Variants in RAD54L2 observed in about 807,000 individuals in gnomAD.
RAD54L2 encodes helicase ARIP4.
RAD54L2 carries 27 observed loss-of-function variants against 138.4 expected under a neutral mutation model. That is an observed-to-expected ratio of 0.20 (90% CI 0.14 to 0.27). The LOEUF (loss-of-function observed/expected upper bound fraction) is 0.27, where lower values mean the gene tolerates loss of function less well. Among genes scored for constraint, RAD54L2 ranks in the 10% least tolerant of loss-of-function variants. The probability of loss-of-function intolerance (pLI) is 1.00; values close to 1 mark genes in which losing one functional copy is unlikely to be tolerated. For missense variants in RAD54L2, 1,396 were observed against 1,890.2 expected (o/e 0.74, Z 4.85); for synonymous variants, 644 against 723.2 (o/e 0.89, Z 1.76).
rs1701905621 is a variant in RAD54L2, at chr3:51,666,173, G to GGTTT, written c.*2753_*2754insGTTT. 4.9e-5 allele frequency: 1 copy of GGTTT among 20,226 alleles called. No individual in the cohort carries two copies. The highest frequency in any genetic ancestry group is 2.9e-4 in the African/African-American group (1 of 3,446). 1.3% of individuals were successfully genotyped at this position (20,226 alleles called of 1,614,324 possible). ...GAGTGCTACCAGGTCCATGGTTTTT[G>GGTTT]CTTTTTTTTTTTTTTTTTTTTTTTT... On this transcript the variant is annotated 3_prime_UTR_variant, in exon 23 of 23. Transcript: ENST00000684192.
Position 51,663,452 on chromosome 3 carries a change from C to A in RAD54L2, c.*32C>A. ...AGCCCCTCCCCACCTCACTTGGGGC[C>A]CCCAGCAGGTTGCCCACCAAGCTGA... is the stretch of plus-strand genomic sequence containing the variant. On this transcript the variant is annotated 3_prime_UTR_variant, in exon 23 of 23. Coordinates refer to ENST00000684192, the MANE Select transcript of RAD54L2 (RefSeq NM_015106.4). 1.3e-6 allele frequency: 2 copies of A among 1,590,368 alleles called. No homozygotes were observed. Among genetic ancestry groups the A allele is most frequent in the Non-Finnish European group, 1.7e-6 (2 of 1,166,022 alleles).
chr3:51,554,348 C>T (rs1276761536), intron 2 of RAD54L2, among the ~76,000 whole-genome samples: 1 of 145,214 alleles, frequency 6.9e-6, no homozygotes, highest in Non-Finnish European at 1.5e-5. Context: ...GCCTGGGCGA[C>T]AAAGCGAGAC....
rs1701072989 is a variant in RAD54L2 at position 51,639,540 on chromosome 3, G to A, written c.1982G>A (p.Gly661Glu). 2.5e-6 allele frequency: 4 copies of A among 1,613,862 alleles called. No homozygotes were observed. Among genetic ancestry groups the A allele is most frequent in the Non-Finnish European group, 3.4e-6 (4 of 1,179,898 alleles). The change falls in exon 13 of 23, where the codon GGA (glycine) becomes GAA (glutamate). Residue 661 changes from glycine to glutamate, a missense_variant. Physicochemically the swap from Gly to Glu is moderately conservative, Grantham distance 98. Around this residue, in one of 7 missense-constraint regions of RAD54L2, gnomAD observed 211 missense variants for 273.8 expected, o/e 0.77. Transcript: ENST00000684192. ...AGTSARCPPQ[G>E]TKGKGEDSTL... ...ACCAGTGCCCGCTGTCCACCACAGGGAACAAAAGGCAAGGGAGAGGATAGC... is the reference window on the plus strand; with the variant it reads ...ACCAGTGCCCGCTGTCCACCACAGGAAACAAAAGGCAAGGGAGAGGATAGC...
intron 2 of RAD54L2, among the ~76,000 whole-genome samples, chr3:51,558,216 G>A (rs1188167711): frequency 6.6e-6 from 1 of 152,070 alleles, no homozygotes; most frequent in Non-Finnish European, 1.5e-5. Context: ...TTTACTGATT[G>A]ACCGAATCCA....
chr3:51,620,419 T>A, intron 3 of RAD54L2, among the ~76,000 whole-genome samples: 1 of 149,024 alleles, frequency 6.7e-6, no homozygotes, highest in East Asian at 2.0e-4. Flanking sequence ...TTTTTTTTTT[T>A]TTTTTTTTTT....
rs1577445868 is a variant in RAD54L2, at chr3:51,635,609, G to A, written c.1159G>A (p.Ala387Thr). The A allele has an allele frequency of 6.2e-7, 1 of 1,610,802 alleles. No homozygotes were observed. Among genetic ancestry groups the A allele is most frequent in the Non-Finnish European group, 8.5e-7 (1 of 1,178,732 alleles). The change falls in exon 10 of 23, where the codon GCT (alanine) becomes ACT (threonine). Residue 387 changes from alanine to threonine, a missense_variant. Around this residue, in one of 7 missense-constraint regions of RAD54L2, gnomAD observed 169 missense variants for 235.6 expected, o/e 0.72. Coordinates refer to ENST00000684192, the MANE Select transcript of RAD54L2 (RefSeq NM_015106.4). ...ATCTTGCAGGACGATGGCATCTCGTGCTAAAGTGATGGCTGATTGGGTGTC... is the reference window on the plus strand; with the variant it reads ...ATCTTGCAGGACGATGGCATCTCGTACTAAAGTGATGGCTGATTGGGTGTC... ...NDEHKTMASRAKVMADWVSEG... is the reference protein window; with the variant it reads ...NDEHKTMASRTKVMADWVSEG...
At chr3:51,631,790 T>C (rs925692554) in intron 7 of RAD54L2, among the ~76,000 whole-genome samples, 4 of 152,080 alleles carry the variant, frequency 2.6e-5, no homozygotes, top group African/African-American at 9.7e-5. Flanking sequence ...CATGCCACCA[T>C]GCCCAACTAA....
At chr3:51,607,369 A>C (rs1700210674) in intron 3 of RAD54L2, among the ~76,000 whole-genome samples, 2 of 152,056 alleles carry the variant, frequency 1.3e-5, no homozygotes, top group Non-Finnish European at 2.9e-5. Context: ...ACCGCCCTTA[A>C]TCCATTTAAC....
At chr3:51,627,468 T>G in intron 3 of RAD54L2, 85 bp from the exon 4 acceptor site, 210 of 1,291,536 alleles carry the variant, frequency 1.6e-4, no homozygotes, top group Non-Finnish European at 2.1e-4. Context: ...GTTGCTGAGT[T>G]GAGATTTGAA....
chr3:51,608,877 A>G (rs542052221), intron 3 of RAD54L2, among the ~76,000 whole-genome samples: 3 of 152,052 alleles, frequency 2.0e-5, no homozygotes, highest in African/African-American at 7.2e-5. Flanking sequence ...AGGGAGGGGC[A>G]GGGGGAGGGA....
At chr3:51,539,866 G>T (rs1553670966) in intron 1 of RAD54L2, among the ~76,000 whole-genome samples, 3 of 152,160 alleles carry the variant, frequency 2.0e-5, no homozygotes, top group Non-Finnish European at 4.4e-5. Context: ...AACTGGAAGG[G>T]TTATGTGGGG....
chr3:51,547,990 C>G (rs978724360), intron 2 of RAD54L2, among the ~76,000 whole-genome samples: 1 of 151,898 alleles, frequency 6.6e-6, no homozygotes, highest in African/African-American at 2.4e-5. Flanking sequence ...CTCCTGCGTT[C>G]AAGCGATTCT....
At chr3:51,649,472 A>G (rs1179372001) in intron 19 of RAD54L2, among the ~76,000 whole-genome samples, 1 of 152,172 alleles carries the variant, frequency 6.6e-6, no homozygotes, top group Non-Finnish European at 1.5e-5. Context: ...CTTCGAGAAG[A>G]GCAACCCCAA....
chr3:51,590,211 G>A (rs1699810285), intron 2 of RAD54L2, among the ~76,000 whole-genome samples, 156 bp from the exon 3 acceptor site: 1 of 152,088 alleles, frequency 6.6e-6, no homozygotes. Context: ...GGCTGGTCTC[G>A]AACTCCTGAC....
chr3:51,571,248 T>C (rs893518788), intron 2 of RAD54L2, among the ~76,000 whole-genome samples: 5 of 152,204 alleles, frequency 3.3e-5, no homozygotes, highest in Admixed American at 6.5e-5. Flanking sequence ...AGGCTTTTAG[T>C]TCATCCCAGC....
chr3:51,663,225 T>G lies in RAD54L2; in HGVS notation c.4209T>G (p.Pro1403=), dbSNP rs779996823. The change falls in exon 23 of 23, where the codon CCT becomes CCG. Residue 1403 remains proline, a synonymous_variant. Transcript: ENST00000684192. ...EPRMFAPFPS[P]VLPSNLSRGM... is the part of the protein sequence containing the mutation. The stretch of plus-strand genomic sequence containing the variant: ...GGATGTTTGCGCCTTTTCCTTCCCC[T>G]GTCTTGCCCAGCAACCTTTCGCGGG... 6.2e-7 allele frequency: 1 copy of G among 1,613,968 alleles called. No individual in the cohort carries two copies.
intron 2 of RAD54L2, among the ~76,000 whole-genome samples, chr3:51,575,791 A>G (rs1418483202): frequency 1.3e-5 from 2 of 152,186 alleles, no homozygotes; most frequent in Non-Finnish European, 2.9e-5. Context: ...TGTCATCTGC[A>G]AACAGGGACA....
At chr3:51,589,158 G>A (rs1699780403) in intron 2 of RAD54L2, among the ~76,000 whole-genome samples, 1 of 152,188 alleles carries the variant, frequency 6.6e-6, no homozygotes, top group African/African-American at 2.4e-5. Flanking sequence ...AATATTGTAA[G>A]TTGAAAGTCT....
At chr3:51,551,759 C>CTT (rs1178998634) in intron 2 of RAD54L2, among the ~76,000 whole-genome samples, 2 of 139,350 alleles carry the variant, frequency 1.4e-5, no homozygotes, top group Non-Finnish European at 1.6e-5. Flanking sequence ...CTTTTTCTTT[C>CTT]TTTTTTTTTT....
Sources: allele counts gnomAD v4.1 joint callset (sites outside exome capture counted in the v4.1 genomes callset), GRCh38; gene constraint gnomAD v4.1.1; regional missense constraint gnomAD v4.1.1; transcripts MANE v1.5; gene names NCBI Gene and HGNC (gene_info 2026-07-23, HGNC 2026-07-21).